The following TNC variants were observed in gnomAD, a reference collection of about 807,000 sequenced individuals.
TNC encodes tenascin C.
Under a neutral mutation model 202.4 loss-of-function variants are expected in TNC, and 109 were observed. That is an observed-to-expected ratio of 0.54 (90% CI 0.46 to 0.63). The LOEUF is 0.63. TNC is among the 30% of genes least tolerant of loss of function. The probability of loss-of-function intolerance (pLI) is 0.00; values close to 1 mark genes in which losing one functional copy is unlikely to be tolerated. For missense variants in TNC, 2,756 were observed against 2,833.3 expected, an observed-to-expected ratio of 0.97 and a Z score of 0.62; for synonymous variants, 1,007 against 1,089.7, an observed-to-expected ratio of 0.92 and a Z score of 1.50.
At chr9:115,034,677 G>A (rs1830185725) in intron 22 of TNC, among the ~76,000 whole-genome samples, 2 of 152,278 alleles carry the variant, frequency 1.3e-5, no homozygotes, top group South Asian at 4.1e-4. Context: ...AAGTTTGGAA[G>A]GTAAAGTTTA....
chr9:115,066,891 A>ACT, intron 10 of TNC, among the ~76,000 whole-genome samples: 1 of 152,172 alleles, frequency 6.6e-6, no homozygotes, highest in East Asian at 1.9e-4. Context: ...TGTAATGGAA[A>ACT]CTCTCTGGCC....
rs1329170634 is a variant in TNC, at chr9:115,028,629, G to GA, written c.6169+730dup. Among the ~76,000 whole-genome samples, 4 of 151,352 alleles carry GA rather than the reference G, an allele frequency of 2.6e-5. No individual in the cohort carries two copies. In the East Asian group the frequency reaches 5.8e-4, roughly 22 times the overall value. On this transcript the variant is annotated intron_variant, in intron 25 of 27. Coordinates refer to ENST00000350763, the MANE Select transcript of TNC (RefSeq NM_002160.4). ...GACCCCAATTTAACTCTGCCAATAG[G>GA]AAAAAAAATAAACTGAAAGCCGAGT...
chr9:115,108,188 G>T (rs538892676), intron 1 of TNC, among the ~76,000 whole-genome samples: 75 of 152,290 alleles, frequency 4.9e-4, no homozygotes, highest in Non-Finnish European at 9.0e-4. Context: ...GATTTTTAGT[G>T]CAGATCTAGA....
intron 11 of TNC, 87 bp downstream of exon 11, chr9:115,064,559 TC>T: frequency 6.8e-7 from 1 of 1,467,054 alleles, no homozygotes; most frequent in Non-Finnish European, 9.2e-7. Flanking sequence ...GCAGAACAAG[TC>T]CATTCCAAAG....
intron 1 of TNC, among the ~76,000 whole-genome samples, chr9:115,094,281 G>C (rs565420907): frequency 6.6e-6 from 1 of 152,284 alleles, no homozygotes; most frequent in African/African-American, 2.4e-5. Context: ...TGACCGCCTA[G>C]TTGAATACAG....
intron 23 of TNC, among the ~76,000 whole-genome samples, chr9:115,030,801 G>T (rs1248331425): frequency 6.6e-6 from 1 of 152,140 alleles, no homozygotes; most frequent in South Asian, 2.1e-4. Context: ...TCAAAGGCAG[G>T]GCTCTCCAAA....
At chr9:115,099,499 C>G (rs1365601605) in intron 1 of TNC, among the ~76,000 whole-genome samples, 1 of 152,240 alleles carries the variant, frequency 6.6e-6, no homozygotes, top group Non-Finnish European at 1.5e-5. Flanking sequence ...AATCACCACT[C>G]TTTTAGGTCA....
rs143792142 is a variant in TNC at position 115,038,998 on chromosome 9, T to C, written c.5393-618A>G. Among the ~76,000 whole-genome samples, 274 of 152,246 alleles carry C rather than the reference T, an allele frequency of 1.8e-3. 1 individual carries two copies. The highest frequency in any genetic ancestry group is 3.5e-3 in the African/African-American group (146 of 41,558). On this transcript the variant is annotated intron_variant, in intron 19 of 27. Coordinates refer to ENST00000350763, the MANE Select transcript of TNC (RefSeq NM_002160.4). Reference sequence around the variant, plus strand: ...GTGCACCACCAAGCCCAGCTAACTTTTGTATTTTCAGTAGAGATGGGTTTT... The same window carrying C: ...GTGCACCACCAAGCCCAGCTAACTTCTGTATTTTCAGTAGAGATGGGTTTT...
chr9:115,082,638 G>T, intron 5 of TNC, 54 bp downstream of exon 5: 2 of 1,320,720 alleles, frequency 1.5e-6, no homozygotes, highest in Non-Finnish European at 1.1e-6. Context: ...AGAACCCTTT[G>T]GTCATCTTTC....
At chr9:115,076,631 T>G in intron 7 of TNC, 56 bp from the exon 8 acceptor site, 1 of 1,571,164 alleles carries the variant, frequency 6.4e-7, no homozygotes, top group Non-Finnish European at 8.7e-7. Flanking sequence ...AGAGCAGGAG[T>G]CTTTGACAGC....
Position 115,056,591 on chromosome 9 carries a change from T to C in TNC, c.4579+562A>G, listed in dbSNP as rs1372620903. On this transcript the variant is annotated intron_variant, in intron 15 of 27. Transcript: ENST00000350763. The stretch of plus-strand genomic sequence containing the variant: ...ATGTTCTGATCTTCTAGAGGTGGTG[T>C]TGGAACTGGGGTGGTCTGAATGGCA... Among the ~76,000 whole-genome samples, 5 of 152,222 alleles carry C rather than the reference T, an allele frequency of 3.3e-5. No homozygotes were observed. In the South Asian group the frequency reaches 8.3e-4, roughly 25 times the overall value.
chr9:115,099,287 G>A (rs570912986), intron 1 of TNC, among the ~76,000 whole-genome samples: 3 of 152,280 alleles, frequency 2.0e-5, no homozygotes, highest in South Asian at 4.1e-4. Flanking sequence ...AGCCAATGAT[G>A]GATAGGTCTT....
chr9:115,033,529 A>T (rs554786733), intron 22 of TNC, among the ~76,000 whole-genome samples: 1 of 152,210 alleles, frequency 6.6e-6, no homozygotes, highest in Non-Finnish European at 1.5e-5. Flanking sequence ...TTAAAGATGG[A>T]TAAGTCCAAG....
intron 22 of TNC, among the ~76,000 whole-genome samples, 188 bp from the exon 23 acceptor site, chr9:115,031,873 C>A (rs539641587): frequency 6.6e-6 from 1 of 152,098 alleles, no homozygotes; most frequent in African/African-American, 2.4e-5. Flanking sequence ...GGGGAGAGTA[C>A]AGCACAAGCA....
chr9:115,115,296 A>C (rs1173947409), intron 1 of TNC, among the ~76,000 whole-genome samples: 1 of 152,208 alleles, frequency 6.6e-6, no homozygotes, highest in Non-Finnish European at 1.5e-5. Flanking sequence ...TTTAGTCAGA[A>C]AGGAAGTGTT....
At chr9:115,110,091 T>G (rs545015172) in intron 1 of TNC, among the ~76,000 whole-genome samples, 1 of 152,210 alleles carries the variant, frequency 6.6e-6, no homozygotes, top group East Asian at 1.9e-4. Context: ...GAGATGACAG[T>G]AAAAGGGCAT....
chr9:115,094,488 C>T (rs1252089098), intron 1 of TNC, among the ~76,000 whole-genome samples: 1 of 152,120 alleles, frequency 6.6e-6, no homozygotes, highest in Admixed American at 6.5e-5. Context: ...TGTGGATGAA[C>T]CCAGGGAAAC....
intron 15 of TNC, chr9:115,052,938 C>A (rs1402720035): frequency 1.4e-6 from 1 of 702,574 alleles, no homozygotes; most frequent in Non-Finnish European, 2.6e-6. Context: ...AAAAGCCCAG[C>A]TTGAGTGGTC....
At chr9:115,094,815 CTCTGTG>C (rs1313136391) in intron 1 of TNC, among the ~76,000 whole-genome samples, 54,605 of 124,894 alleles carry the variant, frequency 0.44, 12,528 homozygotes, top group Non-Finnish European at 0.53. Context: ...GAACAAGTGC[CTCTGTG>C]TGTGTGTGTG....
Sources: allele counts gnomAD v4.1 joint callset (sites outside exome capture counted in the v4.1 genomes callset), GRCh38; gene constraint gnomAD v4.1.1; transcripts MANE v1.5; gene names NCBI Gene and HGNC (gene_info 2026-07-23, HGNC 2026-07-21).